Variants in GALNTL6 observed in about 807,000 individuals in gnomAD.
GALNTL6 encodes polypeptide N-acetylgalactosaminyltransferase like 6, also known as polypeptide N-acetylgalactosaminyltransferase-like 6.
In GALNTL6, 46 loss-of-function variants were observed where a neutral mutation model predicts 73.7. The ratio of observed to expected loss-of-function variants is 0.62; its 90% confidence interval spans 0.49 to 0.80. GALNTL6 has a LOEUF of 0.80. GALNTL6 is among the 30% of genes least tolerant of loss of function. The probability of loss-of-function intolerance (pLI) is 0.00; values close to 1 mark genes in which losing one functional copy is unlikely to be tolerated. For missense variants in GALNTL6, 604 were observed against 755.0 expected (o/e 0.80, Z 2.34); for synonymous variants, 259 against 263.7 (o/e 0.98, Z 0.17).
At chr4:172,370,274 G>A (rs933126639) in intron 5 of GALNTL6, among the ~76,000 whole-genome samples, 3 of 152,044 alleles carry the variant, frequency 2.0e-5, no homozygotes, top group Non-Finnish European at 2.9e-5. Context: ...CTCGATTCTA[G>A]CGGAAACAAA....
At chr4:172,419,898 C>T (rs941140020) in intron 5 of GALNTL6, among the ~76,000 whole-genome samples, 3 of 152,156 alleles carry the variant, frequency 2.0e-5, no homozygotes, top group Admixed American at 6.6e-5. Flanking sequence ...TGTGTCAGCA[C>T]TAACTGCACA....
intron 2 of GALNTL6, among the ~76,000 whole-genome samples, chr4:172,097,212 A>G (rs1035784878): frequency 6.6e-5 from 10 of 152,204 alleles, no homozygotes; most frequent in Admixed American, 3.3e-4. Context: ...GTCATTGGGA[A>G]GCAATATTGG....
chr4:172,861,319 A>ACGTGTGTGTG (rs1744381563), intron 7 of GALNTL6, among the ~76,000 whole-genome samples: 3 of 146,276 alleles, frequency 2.1e-5, no homozygotes, highest in African/African-American at 8.0e-5. Context: ...TTTTGCTTAC[A>ACGTGTGTGTG]TGTGTGTGTG....
chr4:172,815,861 T>C (rs1191905440), intron 7 of GALNTL6, among the ~76,000 whole-genome samples: 1 of 152,194 alleles, frequency 6.6e-6, no homozygotes, highest in Admixed American at 6.5e-5. Flanking sequence ...GTGGACACTT[T>C]AGCCTCTTGT....
chr4:172,930,885 G>T (rs1748295596), intron 8 of GALNTL6, among the ~76,000 whole-genome samples: 1 of 152,062 alleles, frequency 6.6e-6, no homozygotes, highest in African/African-American at 2.4e-5. Context: ...GGCTGGTCGT[G>T]ACCACCTGGG....
At chr4:172,850,077 C>T (rs1244174535) in intron 7 of GALNTL6, among the ~76,000 whole-genome samples, 1 of 152,102 alleles carries the variant, frequency 6.6e-6, no homozygotes, top group Non-Finnish European at 1.5e-5. Flanking sequence ...GTTTTTTAGG[C>T]AGTCCTAAAA....
chr4:172,211,369 A>G (rs1490689189), intron 2 of GALNTL6, among the ~76,000 whole-genome samples: 2 of 152,172 alleles, frequency 1.3e-5, no homozygotes, highest in Non-Finnish European at 2.9e-5. Flanking sequence ...ATATTTCTAT[A>G]TGTAATTATC....
intron 5 of GALNTL6, among the ~76,000 whole-genome samples, chr4:172,468,905 T>C (rs527508885): frequency 1.3e-5 from 2 of 152,362 alleles, no homozygotes; most frequent in Non-Finnish European, 1.5e-5. Flanking sequence ...TTCTTCCTTT[T>C]CAGCTGGCTT....
chr4:172,460,504 G>A (rs1029089430), intron 5 of GALNTL6, among the ~76,000 whole-genome samples: 2 of 152,046 alleles, frequency 1.3e-5, no homozygotes, highest in African/African-American at 4.8e-5. Context: ...AATCTACAAG[G>A]AACTTAAACA....
chr4:172,277,596 A>G (rs982270594), intron 3 of GALNTL6, among the ~76,000 whole-genome samples: 2 of 152,226 alleles, frequency 1.3e-5, no homozygotes, highest in Non-Finnish European at 2.9e-5. Flanking sequence ...TTTTTGTTCC[A>G]TAATAACATT....
chr4:172,253,203 G>A (rs189298336), intron 3 of GALNTL6, among the ~76,000 whole-genome samples: 42 of 151,940 alleles, frequency 2.8e-4, no homozygotes, highest in Middle Eastern at 3.4e-3. Flanking sequence ...ATGTAAACCC[G>A]TCGGATATGT....
At chr4:172,778,120 C>T (rs1739171429) in intron 5 of GALNTL6, among the ~76,000 whole-genome samples, 1 of 152,248 alleles carries the variant, frequency 6.6e-6, no homozygotes, top group African/African-American at 2.4e-5. Flanking sequence ...CAGTAAGTGG[C>T]ATTGGCCATT....
intron 5 of GALNTL6, among the ~76,000 whole-genome samples, chr4:172,797,909 T>C (rs1740372362): frequency 6.6e-6 from 1 of 152,214 alleles, no homozygotes; most frequent in African/African-American, 2.4e-5. Flanking sequence ...ATTTTTCCTT[T>C]TCTCAGAAAT....
intron 3 of GALNTL6, among the ~76,000 whole-genome samples, chr4:172,257,367 T>TAAA: frequency 6.6e-6 from 1 of 151,540 alleles, no homozygotes; most frequent in Non-Finnish European, 1.5e-5. Flanking sequence ...TGGTCTTTAT[T>TAAA]TTAGTGAATA....
chr4:172,241,015 T>A lies in GALNTL6; in HGVS notation c.247+11251T>A, dbSNP rs553857823. Among the ~76,000 whole-genome samples, 3 of 152,322 alleles carry A rather than the reference T, an allele frequency of 2.0e-5. No homozygotes were observed. In the South Asian group the frequency reaches 6.2e-4, roughly 32 times the overall value. On this transcript the variant is annotated intron_variant, in intron 3 of 12. Coordinates refer to ENST00000506823, the MANE Select transcript of GALNTL6 (RefSeq NM_001034845.3). The stretch of plus-strand genomic sequence containing the variant: ...TGTAATTTGATTATAATCAGTTTAC[T>A]TTATTTCAGAACATTTTCAGAGGGT...
chr4:172,933,187 T>A lies in GALNTL6; in HGVS notation c.1149+1919T>A, dbSNP rs541119213. Among the ~76,000 whole-genome samples, 9 of 152,192 alleles carry A rather than the reference T, an allele frequency of 5.9e-5. No individual in the cohort carries two copies. In the East Asian group the frequency reaches 1.7e-3, roughly 30 times the overall value. ...TAATAAATCATAGCAGTTTAAAATA[T>A]CCTAAAGATAATAATGTTCTCTCAT... On this transcript the variant is annotated intron_variant, in intron 9 of 12. Coordinates refer to ENST00000506823, the MANE Select transcript of GALNTL6 (RefSeq NM_001034845.3).
At chr4:172,402,039 A>G (rs1744061831) in intron 5 of GALNTL6, among the ~76,000 whole-genome samples, 1 of 151,914 alleles carries the variant, frequency 6.6e-6, no homozygotes, top group South Asian at 2.1e-4. Context: ...AGAAATCAAC[A>G]TCTGCATTCA....
chr4:172,115,633 G>A (rs1373462163), intron 2 of GALNTL6, among the ~76,000 whole-genome samples: 1 of 152,028 alleles, frequency 6.6e-6, no homozygotes, highest in Admixed American at 6.6e-5. Context: ...ACTTTCAATT[G>A]TTAGAACAGA....
chr4:172,758,031 A>G (rs547379956), intron 5 of GALNTL6, among the ~76,000 whole-genome samples: 1 of 152,268 alleles, frequency 6.6e-6, no homozygotes, highest in African/African-American at 2.4e-5. Flanking sequence ...CCTAAACACA[A>G]CCCCACTGCA....
Sources: gnomAD v4.1 joint callset for allele counts (sites outside exome capture counted in the v4.1 genomes callset) on GRCh38, gnomAD v4.1.1 for gene constraint, MANE v1.5 for transcripts, NCBI Gene and HGNC (gene_info 2026-07-23, HGNC 2026-07-21) for gene names.